The following TSACC variants were observed in gnomAD, a reference collection of about 807,000 sequenced individuals.
The protein encoded by TSACC is TSSK6-activating co-chaperone protein.
In TSACC, 3 loss-of-function variants were observed where a neutral mutation model predicts 6.9. The observed-to-expected ratio is 0.43, with a 90% confidence interval of 0.20 to 1.12. The LOEUF (loss-of-function observed/expected upper bound fraction) is 1.12. Ranked by LOEUF, TSACC falls within the 50% of genes most tolerant of loss-of-function variation. TSACC has a pLI of 0.28. For synonymous variants in TSACC, 54 were observed against 55.1 expected (o/e 0.98, Z 0.09); for missense variants, 137 against 143.9 (o/e 0.95, Z 0.24).
chr1:156,346,552 G>C (rs1347837953), intron 3 of TSACC, among the ~76,000 whole-genome samples: 1 of 149,284 alleles, frequency 6.7e-6, no homozygotes, highest in Non-Finnish European at 1.5e-5. Flanking sequence ...GTGAAACAAG[G>C]GAGGGGGTAA....
intron 3 of TSACC, 101 bp downstream of exon 3, chr1:156,344,809 T>C (rs1666081767): frequency 3.6e-6 from 5 of 1,408,236 alleles, no homozygotes; most frequent in Non-Finnish European, 3.9e-6. Context: ...GCCAAATCTA[T>C]GTTAGGCATC....
chr1:156,344,677 T>C lies in TSACC; in HGVS notation c.132T>C (p.Phe44=). The C allele has an allele frequency of 1.9e-6, 3 of 1,614,170 alleles. No homozygotes were observed. The highest frequency in any genetic ancestry group is 1.1e-5 in the South Asian group (1 of 91,082). The change falls in exon 3 of 4, where the codon TTT becomes TTC. Residue 44 remains phenylalanine, a synonymous_variant. Coordinates refer to ENST00000368254, the MANE Select transcript of TSACC (RefSeq NM_001304817.2). ...AAGCAAGTTCCCCACCAGCCACTTT[T>C]CTGAACATCCAGACAACAAAGCTGC... ...NLQASSPPAT[F]LNIQTTKLPS... is the part of the protein sequence containing the mutation.
Position 156,346,763 on chromosome 1 carries a change from T to G in TSACC, c.164-5T>G. 6.2e-7 allele frequency: 1 copy of G among 1,613,716 alleles called. No individual in the cohort carries two copies. Among genetic ancestry groups the G allele is most frequent in the Middle Eastern group, 1.7e-4 (1 of 6,060 alleles). The stretch of plus-strand genomic sequence containing the variant: ...CTTGCACCTCCGTTGCTTTTCCTTC[T>G]GGAGTTGATCACAAGCCCAAGGAAT... On this transcript the variant is annotated splice_region_variant and splice_polypyrimidine_tract_variant and intron_variant, in intron 3 of 3. Transcript: ENST00000368254.
In TSACC at chr1:156,344,572, T is replaced by C. The variant is rs1382449351; in HGVS notation, c.35-8T>C. ...GAATGAGCTCTGATTTAGTTATCTC[T>C]GATTTAGTTCCAGCCAAAGAGGAAG... On this transcript the variant is annotated splice_polypyrimidine_tract_variant and splice_region_variant and intron_variant, in intron 2 of 3. Transcript: ENST00000368254. The C allele has an allele frequency of 1.9e-6, 3 of 1,613,114 alleles. No homozygotes were observed. The highest frequency in any genetic ancestry group is 1.1e-5 in the South Asian group (1 of 90,972).
intron 2 of TSACC, among the ~76,000 whole-genome samples, chr1:156,344,249 C>T (rs1666045222): frequency 6.6e-6 from 1 of 152,146 alleles, no homozygotes; most frequent in Non-Finnish European, 1.5e-5. Flanking sequence ...ACTGTTTCAC[C>T]TGTGTCTGAT....
At chr1:156,345,720 TAGCTG>T (rs1217869659) in intron 3 of TSACC, among the ~76,000 whole-genome samples, 1 of 144,456 alleles carries the variant, frequency 6.9e-6, no homozygotes, top group Non-Finnish European at 1.5e-5. Flanking sequence ...ATACAAAAAT[TAGCTG>T]GGCATGGTGG....
intron 2 of TSACC, 69 bp downstream of exon 2, chr1:156,339,860 G>A: frequency 1.3e-6 from 2 of 1,555,908 alleles, no homozygotes; most frequent in Non-Finnish European, 1.8e-6. Context: ...CCACTAAATG[G>A]GAGCATTGCT....
upstream of TSACC, chr1:156,337,792 G>GGAA (rs1553304403): frequency 1.8e-5 from 5 of 280,666 alleles, no homozygotes; most frequent in Admixed American, 5.4e-5. Context: ...AGACCTAACT[G>GGAA]AAAAAAAAAC....
chr1:156,345,595 C>T (rs190334091), intron 3 of TSACC, among the ~76,000 whole-genome samples: 2 of 151,506 alleles, frequency 1.3e-5, no homozygotes, highest in East Asian at 3.9e-4. Flanking sequence ...TGGCAGGGCT[C>T]GGTGGCTCAT....
intron 2 of TSACC, 26 bp from the exon 3 acceptor site, chr1:156,344,554 C>G: frequency 6.2e-7 from 1 of 1,610,334 alleles, no homozygotes; most frequent in East Asian, 2.2e-5. Context: ...TTGGAATGAG[C>G]TCTGATTTAG....
intron 2 of TSACC, among the ~76,000 whole-genome samples, chr1:156,342,062 CAAA>C (rs554820517): frequency 8.7e-5 from 5 of 57,242 alleles, no homozygotes; most frequent in Non-Finnish European, 3.8e-5. Context: ...ACTCCGTCTC[CAAA>C]AAAAAAAAAA....
At chr1:156,346,398 A>G (rs1187791660) in intron 3 of TSACC, among the ~76,000 whole-genome samples, 2 of 152,044 alleles carry the variant, frequency 1.3e-5, no homozygotes, top group Admixed American at 6.6e-5. Context: ...TATGCTGGGC[A>G]TTTTTCTAGG....
In TSACC at chr1:156,344,852, T is replaced by G. The variant is rs1666083421; in HGVS notation, c.163+144T>G. On this transcript the variant is annotated intron_variant, in intron 3 of 3. Coordinates refer to ENST00000368254, the MANE Select transcript of TSACC (RefSeq NM_001304817.2). ...CTTTCCGTGATAGCTTGTTGATTAT[T>G]TAGTTTCATTGATATCATTATCATC... 3 of 1,035,028 alleles carry G rather than the reference T, an allele frequency of 2.9e-6. No individual in the cohort carries two copies. In the Admixed American group the frequency reaches 8.1e-5, roughly 28 times the overall value. 64.1% of individuals were successfully genotyped at this position (1,035,028 alleles called of 1,614,324 possible). A position where few individuals can be genotyped will look rare whatever the true frequency, so the allele number is the denominator to read the frequency against.
intron 3 of TSACC, among the ~76,000 whole-genome samples, chr1:156,344,930 T>C (rs539740613): frequency 6.6e-6 from 1 of 152,368 alleles, no homozygotes; most frequent in Admixed American, 6.5e-5. Context: ...TTTGCTAGAC[T>C]AGGCAGGAGT....
intron 3 of TSACC, 38 bp from the exon 4 acceptor site, chr1:156,346,730 T>G (rs766447201): frequency 4.1e-5 from 66 of 1,599,080 alleles, no homozygotes; most frequent in Non-Finnish European, 2.7e-5. Context: ...ATCTCTCTCC[T>G]TTGTTCCCTT....
At chr1:156,338,246 AG>A (rs1665547302), upstream of TSACC, 7 of 1,535,092 alleles carry the variant, frequency 4.6e-6, no homozygotes, top group African/African-American at 1.4e-5. Flanking sequence ...TTCTGGAGAG[AG>A]AGAACCAGAC....
chr1:156,341,952 C>T (rs1665913796), intron 2 of TSACC, among the ~76,000 whole-genome samples: 1 of 151,110 alleles, frequency 6.6e-6, no homozygotes. Context: ...GTCCCAGCTA[C>T]TTGGGAGGCT....
intron 1 of TSACC, 49 bp from the exon 2 acceptor site, chr1:156,339,585 A>G: frequency 1.4e-6 from 1 of 698,524 alleles, no homozygotes; most frequent in Non-Finnish European, 2.4e-6. Flanking sequence ...GTTCAAGAAC[A>G]GTCACCTGTT....
chr1:156,342,533 T>G (rs1387397114), intron 2 of TSACC, among the ~76,000 whole-genome samples: 1 of 152,218 alleles, frequency 6.6e-6, no homozygotes, highest in Non-Finnish European at 1.5e-5. Flanking sequence ...GAATAAGACA[T>G]TTTCCTTCAT....
Sources: gnomAD v4.1 joint callset for allele counts (sites outside exome capture counted in the v4.1 genomes callset) on GRCh38, gnomAD v4.1.1 for gene constraint, MANE v1.5 for transcripts, NCBI Gene and HGNC (gene_info 2026-07-23, HGNC 2026-07-21) for gene names.